The following ADK variants were observed in gnomAD, a reference collection of about 807,000 sequenced individuals.
ADK encodes the protein N6,N6-dimethyladenosine kinase.
A neutral mutation model predicts 44.7 loss-of-function variants in ADK; 24 were observed. The ratio of observed to expected loss-of-function variants is 0.54; its 90% CI spans 0.39 to 0.76. The LOEUF is 0.76. ADK is among the 30% of genes least tolerant of loss of function. ADK has a pLI of 0.00. For missense variants in ADK, 321 were observed against 425.1 expected, an observed-to-expected ratio of 0.76 and a Z score of 2.15; for synonymous variants, 128 against 142.6, an observed-to-expected ratio of 0.90 and a Z score of 0.73.
chr10:74,436,394 G>A (rs1592211240), intron 6 of ADK, among the ~76,000 whole-genome samples: 2 of 151,340 alleles, frequency 1.3e-5, no homozygotes, highest in African/African-American at 4.9e-5. Context: ...AAATCATAAG[G>A]AATAGAAAAT....
rs915655385 is a variant in ADK at position 74,278,379 on chromosome 10, A to C, written c.195-36288A>C. On this transcript the variant is annotated intron_variant, in intron 3 of 10. Coordinates refer to ENST00000539909, the MANE Select transcript of ADK (RefSeq NM_006721.4). ...AAAAAAAAAAATTAAAAAAAAAAAA[A>C]AAAAAAACAACCCTAAAACAAATCT... Among the ~76,000 whole-genome samples the C allele has an allele frequency of 1.3e-4, 19 of 151,510 alleles. No homozygotes were observed. In the South Asian group the frequency reaches 1.7e-3, roughly 13 times the overall value.
chr10:74,332,646 T>C (rs529701450), intron 4 of ADK, among the ~76,000 whole-genome samples: 1 of 152,324 alleles, frequency 6.6e-6, no homozygotes, highest in South Asian at 2.1e-4. Context: ...TGATGCAATT[T>C]GTGTCAATTT....
At chr10:74,424,057 G>C (rs901151270) in intron 6 of ADK, 1 of 154,058 alleles carries the variant, frequency 6.5e-6, no homozygotes, top group African/African-American at 2.4e-5. Flanking sequence ...ATGGGGACGG[G>C]AGCCATTGCT....
At chr10:74,425,430 G>A (rs529429751) in intron 6 of ADK, among the ~76,000 whole-genome samples, 6 of 151,878 alleles carry the variant, frequency 4.0e-5, no homozygotes, top group Middle Eastern at 6.8e-3. Flanking sequence ...ATTAGACTTC[G>A]TATCGTTAAT....
chr10:74,260,565 C>T lies in ADK; in HGVS notation c.194+35974C>T, dbSNP rs905332013. Among the ~76,000 whole-genome samples the T allele has an allele frequency of 3.3e-5, 5 of 152,302 alleles. No individual in the cohort carries two copies. The East Asian group carries it at 9.6e-4, about 29-fold the overall frequency. ...CTGTGCCCAGCCTTAGAAATTATTT[C>T]TCAATGCTTTTGCTCTTCTGTGTTC... On this transcript the variant is annotated intron_variant, in intron 3 of 10. Coordinates refer to ENST00000539909, the MANE Select transcript of ADK (RefSeq NM_006721.4).
At chr10:74,347,160 A>C (rs972811008) in intron 4 of ADK, among the ~76,000 whole-genome samples, 1 of 146,670 alleles carries the variant, frequency 6.8e-6, no homozygotes, top group African/African-American at 2.5e-5. Context: ...GAATAGGAAG[A>C]GCTCCAGTCT....
chr10:74,652,046 C>CTT lies in ADK; in HGVS notation c.878-18135_878-18134dup, dbSNP rs1401635840. Among the ~76,000 whole-genome samples, 557 of 138,508 alleles carry CTT rather than the reference C, an allele frequency of 4.0e-3. 10 individuals carry two copies. The highest frequency in any genetic ancestry group is 0.013 in the African/African-American group (482 of 36,230). The allele number at this position is 138,508 out of a possible 152,430, so 90.9% of individuals were successfully genotyped here. A position where few individuals can be genotyped will look rare whatever the true frequency, so the allele number is the denominator to read the frequency against. ...GAAGGGATATGAAGGAACTTTCTTT[C>CTT]TTTCTTTTTTTTTTTTTTTGAGACA... On this transcript the variant is annotated intron_variant, in intron 9 of 10. Coordinates refer to ENST00000539909, the MANE Select transcript of ADK (RefSeq NM_006721.4).
At chr10:74,290,127 A>G (rs569098794) in intron 3 of ADK, among the ~76,000 whole-genome samples, 5 of 151,244 alleles carry the variant, frequency 3.3e-5, no homozygotes, top group South Asian at 2.1e-4. Context: ...TAGGGGTTCA[A>G]TTGGGCCTTA....
chr10:74,203,951 CTTTTTTTT>C (rs760810639), intron 2 of ADK, among the ~76,000 whole-genome samples: 3 of 95,830 alleles, frequency 3.1e-5, no homozygotes, highest in East Asian at 3.0e-4. Flanking sequence ...TTATTTAGGT[CTTTTTTTT>C]TTTTTTTTTT....
intron 6 of ADK, among the ~76,000 whole-genome samples, chr10:74,469,960 A>G (rs1359422237): frequency 1.3e-5 from 2 of 150,034 alleles, no homozygotes; most frequent in African/African-American, 4.9e-5. Context: ...CTTGTAGCAT[A>G]TGACAGGATT....
At position 74,516,105 on chromosome 10, in the gene ADK, G is replaced by A. The variant is rs187778510; in HGVS notation, c.556-9151G>A. On this transcript the variant is annotated intron_variant, in intron 6 of 10. Coordinates refer to ENST00000539909, the MANE Select transcript of ADK (RefSeq NM_006721.4). ...TTGTGCTCTTAATCCAGGTCAGTGC[G>A]TCTGCATGAATTCCTGGCAGCTCTC... Among the ~76,000 whole-genome samples the A allele has an allele frequency of 1.1e-3, 161 of 152,266 alleles. 1 individual carries two copies. Among genetic ancestry groups the A allele is most frequent in the Admixed American group, 3.9e-3 (59 of 15,292 alleles).
At chr10:74,247,857 A>G (rs1845485336) in intron 3 of ADK, among the ~76,000 whole-genome samples, 1 of 152,090 alleles carries the variant, frequency 6.6e-6, no homozygotes, top group African/African-American at 2.4e-5. Flanking sequence ...ACAACAAAAC[A>G]TTGGTTACAA....
chr10:74,176,546 A>G, intron 1 of ADK: 1 of 1,284,846 alleles, frequency 7.8e-7, no homozygotes, highest in Non-Finnish European at 9.9e-7. Context: ...GGGTGACGGG[A>G]CGCTGTTACT....
chr10:74,464,984 C>A (rs887568689), intron 6 of ADK, among the ~76,000 whole-genome samples: 1 of 151,890 alleles, frequency 6.6e-6, no homozygotes, highest in East Asian at 1.9e-4. Context: ...TTTATAGCAG[C>A]GACCAGGTAA....
Position 74,446,666 on chromosome 10 carries a change from A to C in ADK, c.555+48087A>C, listed in dbSNP as rs1206148381. 6.6e-5 allele frequency among the ~76,000 whole-genome samples: 10 copies of C among 152,306 alleles called. No individual in the cohort carries two copies. In the East Asian group the frequency reaches 1.2e-3, roughly 18 times the overall value. ...ATGCTAATAATTCCCATGTACATAC[A>C]GTGAATGAAATATAGGAGACAAACA... On this transcript the variant is annotated intron_variant, in intron 6 of 10. Coordinates refer to ENST00000539909, the MANE Select transcript of ADK (RefSeq NM_006721.4).
chr10:74,224,488 G>A (rs1436641661), intron 2 of ADK, 50 bp from the exon 3 acceptor site: 8 of 1,476,180 alleles, frequency 5.4e-6, no homozygotes, highest in African/African-American at 1.4e-5. Context: ...GCTAACTTAC[G>A]TTGACACTGT....
chr10:74,589,111 T>C (rs927637037), intron 7 of ADK, among the ~76,000 whole-genome samples, 171 bp from the exon 8 acceptor site: 6 of 152,264 alleles, frequency 3.9e-5, no homozygotes, highest in African/African-American at 1.4e-4. Flanking sequence ...TTTATTATTA[T>C]TATTCCAAGG....
At chr10:74,252,212 T>C (rs1591935289) in intron 3 of ADK, among the ~76,000 whole-genome samples, 1 of 152,170 alleles carries the variant, frequency 6.6e-6, no homozygotes, top group South Asian at 2.1e-4. Context: ...ACCAAAACAC[T>C]GGATGGCACA....
At chr10:74,458,450 T>C (rs1340339600) in intron 6 of ADK, among the ~76,000 whole-genome samples, 1 of 151,936 alleles carries the variant, frequency 6.6e-6, no homozygotes, top group African/African-American at 2.4e-5. Context: ...AGTGAAACAT[T>C]TTAGTGCAGA....
Sources: gnomAD v4.1 joint callset for allele counts (sites outside exome capture counted in the v4.1 genomes callset) on GRCh38, gnomAD v4.1.1 for gene constraint, MANE v1.5 for transcripts, NCBI Gene and HGNC (gene_info 2026-07-23, HGNC 2026-07-21) for gene names.